The following CDC42SE2 variants were observed in gnomAD, a reference collection of about 807,000 sequenced individuals.
CDC42SE2 encodes CDC42 small effector protein 2.
A neutral mutation model predicts 11.5 loss-of-function variants in CDC42SE2; 3 were observed. That is an observed-to-expected ratio of 0.26 (90% confidence interval 0.12 to 0.67). CDC42SE2 has a LOEUF of 0.67. CDC42SE2 is among the 30% of genes least tolerant of loss of function. CDC42SE2 has a pLI of 0.80. For missense variants in CDC42SE2, 82 were observed against 106.8 expected, an observed-to-expected ratio of 0.77 and a Z score of 1.02; for synonymous variants, 33 against 34.8, an observed-to-expected ratio of 0.95 and a Z score of 0.18.
intron 1 of CDC42SE2, among the ~76,000 whole-genome samples, chr5:131,276,440 C>A (rs928883702): frequency 6.6e-6 from 1 of 151,032 alleles, no homozygotes; most frequent in Admixed American, 6.6e-5. Flanking sequence ...CAGAATGAGA[C>A]CCTGTTTCAA....
intron 1 of CDC42SE2, among the ~76,000 whole-genome samples, chr5:131,247,769 G>A (rs1756608524): frequency 6.6e-6 from 1 of 152,094 alleles, no homozygotes; most frequent in South Asian, 2.1e-4. Flanking sequence ...AGCCTCATAA[G>A]TAGCTGGGAT....
chr5:131,305,478 A>G (rs953712250), intron 1 of CDC42SE2, among the ~76,000 whole-genome samples: 7 of 152,184 alleles, frequency 4.6e-5, no homozygotes, highest in Non-Finnish European at 1.0e-4. Context: ...TTATTTGAAC[A>G]TGGTCTGATC....
intron 1 of CDC42SE2, among the ~76,000 whole-genome samples, chr5:131,306,771 A>T (rs893272260): frequency 6.6e-6 from 1 of 152,110 alleles, no homozygotes; most frequent in East Asian, 1.9e-4. Context: ...TTCTTTCATC[A>T]GTGTTTTATA....
chr5:131,306,306 G>A (rs145618804), intron 1 of CDC42SE2, among the ~76,000 whole-genome samples: 115 of 152,220 alleles, frequency 7.6e-4, no homozygotes, highest in South Asian at 6.4e-3. Context: ...AGGGGGTCTT[G>A]GAACGTATCC....
chr5:131,217,401 A>G, the CDC42SE2 span, among the ~76,000 whole-genome samples: 7 of 152,258 alleles, frequency 4.6e-5, no homozygotes, highest in East Asian at 9.6e-4. Flanking sequence ...AATTTGGCAC[A>G]TAATTATACA....
the CDC42SE2 span, among the ~76,000 whole-genome samples, chr5:131,216,518 A>AACAAAC: frequency 2.1e-5 from 3 of 146,008 alleles, no homozygotes; most frequent in African/African-American, 8.2e-5. Flanking sequence ...AAAAAAAAAA[A>AACAAAC]AAAACATTAT....
chr5:131,327,529 G>T (rs1455368417), intron 2 of CDC42SE2, among the ~76,000 whole-genome samples: 7 of 151,956 alleles, frequency 4.6e-5, no homozygotes, highest in Non-Finnish European at 1.5e-5. Context: ...AAATATTTTT[G>T]TCTTAACATC....
At chr5:131,327,515 T>C (rs981624715) in intron 2 of CDC42SE2, among the ~76,000 whole-genome samples, 1 of 152,218 alleles carries the variant, frequency 6.6e-6, no homozygotes, top group Non-Finnish European at 1.5e-5. Context: ...GCTTTGTATG[T>C]TGAAAATATT....
At chr5:131,345,878 A>C (rs538537259) in intron 2 of CDC42SE2, among the ~76,000 whole-genome samples, 329 of 151,896 alleles carry the variant, frequency 2.2e-3, no homozygotes, top group African/African-American at 6.4e-3. Flanking sequence ...TTCAACCCAG[A>C]ATTTCATATC....
chr5:131,265,074 A>G (rs776836953), intron 1 of CDC42SE2, among the ~76,000 whole-genome samples: 2 of 152,248 alleles, frequency 1.3e-5, no homozygotes, highest in African/African-American at 4.8e-5. Flanking sequence ...ATTTAGGCAC[A>G]TACTCCTTGA....
At chr5:131,279,612 G>A (rs556394873) in intron 1 of CDC42SE2, among the ~76,000 whole-genome samples, 2 of 151,956 alleles carry the variant, frequency 1.3e-5, no homozygotes, top group African/African-American at 4.8e-5. Context: ...CAATGAAATG[G>A]TGTTGTCTTG....
At chr5:131,315,587 G>GC (rs1203946620) in intron 1 of CDC42SE2, among the ~76,000 whole-genome samples, 1 of 152,158 alleles carries the variant, frequency 6.6e-6, no homozygotes, top group Non-Finnish European at 1.5e-5. Context: ...GGAATGTGGG[G>GC]CCAGTATTGC....
chr5:131,349,591 CT>C (rs1758949947), intron 2 of CDC42SE2, among the ~76,000 whole-genome samples: 1 of 152,142 alleles, frequency 6.6e-6, no homozygotes, highest in African/African-American at 2.4e-5. Flanking sequence ...ATTGGTGCCC[CT>C]AACTGCCATG....
chr5:131,269,575 C>T (rs1756949166), intron 1 of CDC42SE2, among the ~76,000 whole-genome samples: 1 of 151,736 alleles, frequency 6.6e-6, no homozygotes, highest in African/African-American at 2.4e-5. Context: ...TCGAGACCAG[C>T]CTGGCCTATG....
At chr5:131,274,868 G>A (rs1344530876) in intron 1 of CDC42SE2, among the ~76,000 whole-genome samples, 2 of 152,138 alleles carry the variant, frequency 1.3e-5, no homozygotes, top group Non-Finnish European at 2.9e-5. Context: ...ACAGTGGAGA[G>A]CACATAATGG....
At chr5:131,315,728 G>A (rs980950609) in intron 1 of CDC42SE2, among the ~76,000 whole-genome samples, 2 of 152,176 alleles carry the variant, frequency 1.3e-5, no homozygotes, top group Admixed American at 6.5e-5. Flanking sequence ...GTATCTGTCT[G>A]CTGGATTCTG....
chr5:131,357,386 G>T (rs1246291725), intron 2 of CDC42SE2, among the ~76,000 whole-genome samples: 1 of 152,178 alleles, frequency 6.6e-6, no homozygotes, highest in African/African-American at 2.4e-5. Context: ...GACACTGAGG[G>T]TGTGTGCCTT....
intron 2 of CDC42SE2, among the ~76,000 whole-genome samples, chr5:131,343,602 C>T (rs1415527360): frequency 1.3e-4 from 20 of 151,860 alleles, no homozygotes; most frequent in Non-Finnish European, 2.9e-5. Flanking sequence ...ATCCTAGCTA[C>T]TCAGGAAGGC....
the CDC42SE2 span, among the ~76,000 whole-genome samples, chr5:131,211,903 A>G: frequency 3.3e-5 from 5 of 150,688 alleles, no homozygotes; most frequent in Admixed American, 1.3e-4. Flanking sequence ...GGATCATTTG[A>G]GCCCAGGGAG....
Sources: allele counts gnomAD v4.1 joint callset (sites outside exome capture counted in the v4.1 genomes callset), GRCh38; gene constraint gnomAD v4.1.1; transcripts MANE v1.5; gene names NCBI Gene and HGNC (gene_info 2026-07-23, HGNC 2026-07-21).